The following KHDRBS2 variants were observed in gnomAD, a reference collection of about 807,000 sequenced individuals.
KHDRBS2 encodes the protein KH domain-containing, RNA-binding, signal transduction-associated protein 2.
KHDRBS2 carries 26 observed loss-of-function variants against 44.3 expected under a neutral mutation model. That is an observed-to-expected ratio of 0.59 (90% CI 0.43 to 0.81). KHDRBS2 has a LOEUF of 0.81. Among genes scored for constraint, KHDRBS2 ranks in the 40% least tolerant of loss-of-function variants. The pLI is 0.00. For synonymous variants in KHDRBS2, 194 were observed against 151.1 expected (o/e 1.28, Z -2.08); for missense variants, 476 against 433.1 (o/e 1.10, Z -0.88).
chr6:62,047,436 T>C (rs1475272211), intron 3 of KHDRBS2, among the ~76,000 whole-genome samples: 2 of 151,886 alleles, frequency 1.3e-5, no homozygotes, highest in Non-Finnish European at 2.9e-5. Context: ...TGCAGATAAG[T>C]ATTAGAAATT....
intron 6 of KHDRBS2, among the ~76,000 whole-genome samples, chr6:61,802,946 A>G (rs1786522836): frequency 6.6e-6 from 1 of 152,184 alleles, no homozygotes; most frequent in African/African-American, 2.4e-5. Flanking sequence ...TCCACATCCT[A>G]ATAAAGAGCA....
intron 1 of KHDRBS2, among the ~76,000 whole-genome samples, chr6:62,188,775 G>A (rs1484650729): frequency 6.6e-6 from 1 of 152,138 alleles, no homozygotes; most frequent in African/African-American, 2.4e-5. Flanking sequence ...CTGAAAATAG[G>A]TCATTAGAAA....
chr6:62,007,852 G>A (rs1719081444), intron 3 of KHDRBS2, among the ~76,000 whole-genome samples: 4 of 152,082 alleles, frequency 2.6e-5, no homozygotes, highest in African/African-American at 7.2e-5. Context: ...ATTTGATGCT[G>A]TAGAAACAAT....
At chr6:61,594,495 G>GA in the KHDRBS2 span, among the ~76,000 whole-genome samples, 2 of 151,918 alleles carry the variant, frequency 1.3e-5, no homozygotes, top group African/African-American at 4.8e-5. Flanking sequence ...AAGTTTTTAG[G>GA]AAAAAAAGCA....
chr6:62,051,019 A>C (rs377252750), intron 2 of KHDRBS2, among the ~76,000 whole-genome samples: 21 of 152,202 alleles, frequency 1.4e-4, no homozygotes, highest in Admixed American at 9.8e-4. Context: ...AGAATACATT[A>C]TGTTAGGTTC....
chr6:61,790,092 C>A (rs1784403451), intron 6 of KHDRBS2, among the ~76,000 whole-genome samples: 1 of 151,334 alleles, frequency 6.6e-6, no homozygotes, highest in Admixed American at 6.6e-5. Context: ...CATTTTATAT[C>A]CAGAGCAAGA....
chr6:61,853,237 C>T (rs1795707937), intron 6 of KHDRBS2, among the ~76,000 whole-genome samples: 2 of 152,004 alleles, frequency 1.3e-5, no homozygotes, highest in Non-Finnish European at 2.9e-5. Flanking sequence ...AGCTACAACT[C>T]TCTAGAGTCT....
chr6:61,929,239 C>A (rs576037710), intron 4 of KHDRBS2, among the ~76,000 whole-genome samples: 1 of 152,196 alleles, frequency 6.6e-6, no homozygotes, highest in South Asian at 2.1e-4. Context: ...CTTTTAATTT[C>A]AAGTAATTAC....
chr6:61,889,309 G>A (rs1801452756), intron 6 of KHDRBS2, among the ~76,000 whole-genome samples: 1 of 152,154 alleles, frequency 6.6e-6, no homozygotes, highest in African/African-American at 2.4e-5. Flanking sequence ...TTAGAATTCA[G>A]ACCTTGAGGT....
chr6:61,686,329 G>A (rs1766809699), intron 8 of KHDRBS2, among the ~76,000 whole-genome samples: 1 of 151,632 alleles, frequency 6.6e-6, no homozygotes, highest in Non-Finnish European at 1.5e-5. Context: ...ATGGCATTAC[G>A]ACATGGTTGA....
In KHDRBS2 at chr6:61,772,791, T is replaced by A. The variant is rs573773643; in HGVS notation, c.811-40027A>T. 2.0e-5 allele frequency among the ~76,000 whole-genome samples: 3 copies of A among 152,192 alleles called. No homozygotes were observed. The South Asian group carries it at 6.2e-4, about 32-fold the overall frequency. ...ATCTCCTAAAGCTATCCCTACCCCC[T>A]ACCCCAACTCCACAACAGTCCCCAG... On this transcript the variant is annotated intron_variant, in intron 6 of 8. Transcript: ENST00000281156.
chr6:61,711,732 C>G (rs1430918156), intron 7 of KHDRBS2, among the ~76,000 whole-genome samples: 1 of 151,708 alleles, frequency 6.6e-6, no homozygotes, highest in Non-Finnish European at 1.5e-5. Context: ...TTAAGATGAA[C>G]ACTAGGACCA....
chr6:62,017,076 T>C (rs1260700183), intron 3 of KHDRBS2, among the ~76,000 whole-genome samples: 2 of 151,542 alleles, frequency 1.3e-5, no homozygotes, highest in Non-Finnish European at 2.9e-5. Context: ...GCTGGTTTTG[T>C]TTTATAAGGT....
At chr6:61,945,101 A>ATTT (rs1206251740) in intron 4 of KHDRBS2, among the ~76,000 whole-genome samples, 1 of 56,254 alleles carries the variant, frequency 1.8e-5, no homozygotes, top group Non-Finnish European at 3.5e-5. Context: ...AAAAAAAAAA[A>ATTT]AAAAAAAAAA....
intron 1 of KHDRBS2, among the ~76,000 whole-genome samples, chr6:62,273,370 C>T (rs1840386246): frequency 6.6e-6 from 1 of 152,138 alleles, no homozygotes; most frequent in South Asian, 2.1e-4. Context: ...TTCTCTCAGT[C>T]TGTTCTTTGT....
chr6:62,003,874 G>T (rs1778724164), intron 3 of KHDRBS2, among the ~76,000 whole-genome samples: 1 of 152,104 alleles, frequency 6.6e-6, no homozygotes, highest in South Asian at 2.1e-4. Context: ...CAACTACATG[G>T]AAACCAAACA....
At chr6:61,716,903 T>G (rs909541833) in intron 7 of KHDRBS2, among the ~76,000 whole-genome samples, 6 of 152,094 alleles carry the variant, frequency 3.9e-5, no homozygotes, top group African/African-American at 1.4e-4. Flanking sequence ...GCACTGATTG[T>G]GTATGGTTTA....
intron 1 of KHDRBS2, among the ~76,000 whole-genome samples, chr6:62,275,279 C>T (rs1840743162): frequency 6.6e-6 from 1 of 152,202 alleles, no homozygotes; most frequent in South Asian, 2.1e-4. Flanking sequence ...TAATAAAATG[C>T]CATCTGCCTT....
chr6:62,080,702 G>T (rs1039965198), intron 2 of KHDRBS2, among the ~76,000 whole-genome samples: 2 of 152,056 alleles, frequency 1.3e-5, no homozygotes, highest in African/African-American at 4.8e-5. Context: ...TCTGTGTCCT[G>T]AGCTTCTCTG....
Sources: gnomAD v4.1 joint callset for allele counts (sites outside exome capture counted in the v4.1 genomes callset) on GRCh38, gnomAD v4.1.1 for gene constraint, MANE v1.5 for transcripts, NCBI Gene and HGNC (gene_info 2026-07-23, HGNC 2026-07-21) for gene names.